Variants in FAM13A observed in about 807,000 individuals in gnomAD.
The protein encoded by FAM13A is family with sequence similarity 13 member A.
Under a neutral mutation model 129.6 loss-of-function variants are expected in FAM13A, and 76 were observed. That is an observed-to-expected ratio of 0.59 (90% confidence interval 0.49 to 0.71). The LOEUF is 0.71. FAM13A is among the 30% of genes least tolerant of loss of function. The probability of loss-of-function intolerance (pLI) is 0.00; values close to 1 mark genes in which losing one functional copy is unlikely to be tolerated. For synonymous variants in FAM13A, 443 were observed against 449.9 expected (o/e 0.98, Z 0.20); for missense variants, 1,108 against 1,249.3 (o/e 0.89, Z 1.70).
chr4:88,822,381 C>T lies in FAM13A; in HGVS notation c.1008-17329G>A, dbSNP rs76754681. On this transcript the variant is annotated intron_variant, in intron 7 of 23. Transcript: ENST00000264344. Reference sequence around the variant, plus strand: ...AGACCCACAATCTATATTATAATCACGAAGGAACAAAAACAGTCTTGCACT... The same window carrying T: ...AGACCCACAATCTATATTATAATCATGAAGGAACAAAAACAGTCTTGCACT... Among the ~76,000 whole-genome samples the T allele has an allele frequency of 6.2e-3, 937 of 152,162 alleles. 20 individuals are homozygous for T. The highest frequency in any genetic ancestry group is 0.021 in the African/African-American group (856 of 41,518).
At chr4:88,944,892 A>C (rs976470603) in intron 4 of FAM13A, among the ~76,000 whole-genome samples, 7 of 143,352 alleles carry the variant, frequency 4.9e-5, no homozygotes, top group Non-Finnish European at 9.5e-5. Context: ...AACAAGAGCG[A>C]AACTCTGTCT....
intron 4 of FAM13A, among the ~76,000 whole-genome samples, chr4:88,947,546 T>C (rs748468373): frequency 2.0e-5 from 3 of 152,194 alleles, no homozygotes; most frequent in South Asian, 2.1e-4. Context: ...CCAGTTTCAA[T>C]TGGCATAATA....
At chr4:89,001,665 T>C (rs1004986700) in intron 3 of FAM13A, among the ~76,000 whole-genome samples, 2 of 152,160 alleles carry the variant, frequency 1.3e-5, no homozygotes, top group African/African-American at 4.8e-5. Flanking sequence ...CCAACGTTTA[T>C]TCATGTGGTA....
chr4:88,856,800 C>G (rs1482117860), intron 6 of FAM13A, among the ~76,000 whole-genome samples: 1 of 152,076 alleles, frequency 6.6e-6, no homozygotes, highest in Admixed American at 6.6e-5. Context: ...CTTCTTGCCT[C>G]TCTTTCATGT....
rs759560580 is a variant in FAM13A, at chr4:88,737,477, T to C, written c.2641A>G (p.Ile881Val). The change falls in exon 21 of 24, where the codon ATA becomes GTA. Residue 881 changes from isoleucine to valine, a missense_variant. Transcript: ENST00000264344. The part of the protein sequence containing the change: ...EGETASFFKE[I>V]KEEEEGSEDD... ...TTAGCAGCTGGGGTCTTCACCTTTA[T>C]CTCCTTGAAGAAGGAAGCAGTTTCG... The C allele has an allele frequency of 6.2e-7, 1 of 1,613,820 alleles. No homozygotes were observed. Among genetic ancestry groups the C allele is most frequent in the Non-Finnish European group, 8.5e-7 (1 of 1,179,770 alleles).
chr4:88,998,852 T>G (rs575379309), intron 3 of FAM13A, among the ~76,000 whole-genome samples: 31 of 152,180 alleles, frequency 2.0e-4, no homozygotes, highest in Non-Finnish European at 4.4e-4. Context: ...AATTTCATTT[T>G]CCTATGCAAA....
chr4:88,987,439 G>T (rs746481718), intron 4 of FAM13A, among the ~76,000 whole-genome samples: 13 of 152,232 alleles, frequency 8.5e-5, no homozygotes, highest in Non-Finnish European at 1.3e-4. Flanking sequence ...TTTGAAAGTG[G>T]TGACTTTAAC....
At chr4:88,911,477 C>A (rs1427066079) in intron 5 of FAM13A, among the ~76,000 whole-genome samples, 1 of 152,160 alleles carries the variant, frequency 6.6e-6, no homozygotes. Flanking sequence ...CTTCTCAAAC[C>A]CCTTTCTTTC....
chr4:88,820,269 T>C (rs1050850782), intron 7 of FAM13A, among the ~76,000 whole-genome samples: 1 of 152,166 alleles, frequency 6.6e-6, no homozygotes, highest in East Asian at 1.9e-4. Context: ...ATATTATCCA[T>C]CTAGGCACAT....
chr4:88,818,341 T>C (rs560197515), intron 7 of FAM13A, among the ~76,000 whole-genome samples: 24 of 152,156 alleles, frequency 1.6e-4, no homozygotes, highest in Middle Eastern at 3.4e-3. Context: ...CCTCATAAAA[T>C]AAGTACCTTG....
rs1389279858 is a variant in FAM13A at position 88,781,176 on chromosome 4, C to T, written c.1447G>A (p.Asp483Asn). 3.1e-6 allele frequency: 5 copies of T among 1,607,754 alleles called. No homozygotes were observed. Among genetic ancestry groups the T allele is most frequent in the Non-Finnish European group, 4.2e-6 (5 of 1,176,486 alleles). The stretch of plus-strand genomic sequence containing the variant: ...ACGTATTCACTTACCACAAGACCGT[C>T]CTGATTGTCATGAAGCTCAGAAAGT... Reference protein sequence around the residue: ...TKLSELHDNQDGLVNMESLNS... With the variant: ...TKLSELHDNQNGLVNMESLNS... The change falls in exon 11 of 24, where the codon GAC becomes AAC. Residue 483 changes from aspartate (D) to asparagine (N), a missense_variant. Asp to Asn is a conservative substitution (Grantham distance 23). Coordinates refer to ENST00000264344, the MANE Select transcript of FAM13A (RefSeq NM_014883.4).
At chr4:88,833,624 G>A (rs901152306) in intron 7 of FAM13A, among the ~76,000 whole-genome samples, 3 of 152,038 alleles carry the variant, frequency 2.0e-5, no homozygotes, top group East Asian at 1.9e-4. Flanking sequence ...GGTGGCTCAC[G>A]CCTGTAATCC....
intron 4 of FAM13A, among the ~76,000 whole-genome samples, chr4:88,967,963 G>C (rs1375125557): frequency 6.6e-6 from 1 of 152,110 alleles, no homozygotes; most frequent in South Asian, 2.1e-4. Context: ...GGTAGTGTGT[G>C]TGTGTTTACT....
intron 7 of FAM13A, among the ~76,000 whole-genome samples, chr4:88,823,877 T>C (rs1327977939): frequency 1.3e-5 from 2 of 152,224 alleles, no homozygotes; most frequent in Non-Finnish European, 1.5e-5. Context: ...GGGATCAGAA[T>C]CCACTCTAAT....
intron 6 of FAM13A, among the ~76,000 whole-genome samples, chr4:88,880,003 A>C (rs1743256580): frequency 6.6e-6 from 1 of 152,176 alleles, no homozygotes; most frequent in Non-Finnish European, 1.5e-5. Flanking sequence ...GCATAGAGTA[A>C]ATACTTAAGT....
chr4:88,952,708 GA>G (rs1757127935), intron 4 of FAM13A, among the ~76,000 whole-genome samples: 1 of 152,140 alleles, frequency 6.6e-6, no homozygotes, highest in South Asian at 2.1e-4. Context: ...AGCACTTTGG[GA>G]GGCCGAGGTG....
At chr4:88,882,418 G>C (rs76322989) in intron 6 of FAM13A, among the ~76,000 whole-genome samples, 376 of 152,134 alleles carry the variant, frequency 2.5e-3, no homozygotes, top group African/African-American at 8.6e-3. Flanking sequence ...GACTTTTTCA[G>C]ACAATGCTGT....
At chr4:88,781,492 A>G in intron 10 of FAM13A, 141 bp from the exon 11 acceptor site, 1 of 537,288 alleles carries the variant, frequency 1.9e-6, no homozygotes, top group Non-Finnish European at 3.2e-6. Flanking sequence ...AAATCTGAGC[A>G]GAGTGCCACT....
intron 7 of FAM13A, among the ~76,000 whole-genome samples, chr4:88,830,549 T>C (rs1295919796): frequency 6.6e-6 from 1 of 152,234 alleles, no homozygotes; most frequent in Non-Finnish European, 1.5e-5. Context: ...TATATAAGAT[T>C]GCAAAAGAAA....
Sources: allele counts gnomAD v4.1 joint callset (sites outside exome capture counted in the v4.1 genomes callset), GRCh38; gene constraint gnomAD v4.1.1; transcripts MANE v1.5; gene names NCBI Gene and HGNC (gene_info 2026-07-23, HGNC 2026-07-21).